The following ENPP3 variants were observed in gnomAD, a reference collection of about 807,000 sequenced individuals.
ENPP3 encodes ectonucleotide pyrophosphatase/phosphodiesterase family member 3.
In ENPP3, 104 loss-of-function variants were observed where a neutral mutation model predicts 117.8. The ratio of observed to expected loss-of-function variants is 0.88; its 90% CI spans 0.75 to 1.04. The LOEUF (loss-of-function observed/expected upper bound fraction) is 1.04. Among genes scored for constraint, ENPP3 ranks in the 50% least tolerant of loss-of-function variants. The probability of loss-of-function intolerance (pLI) is 0.00; values close to 1 mark genes in which losing one functional copy is unlikely to be tolerated. For synonymous variants in ENPP3, 380 were observed against 349.9 expected (o/e 1.09, Z -0.96); for missense variants, 1,026 against 1,051.9 (o/e 0.98, Z 0.34).
intron 18 of ENPP3, among the ~76,000 whole-genome samples, chr6:131,723,641 C>T (rs945493896): frequency 6.6e-6 from 1 of 152,028 alleles, no homozygotes; most frequent in African/African-American, 2.4e-5. Flanking sequence ...TCAAGCCCTA[C>T]CCTAGGTTTA....
Position 131,641,501 on chromosome 6 carries a change from G to C in ENPP3, c.125G>C (p.Gly42Ala), listed in dbSNP as rs1187858384. Residue 42 changes from glycine to alanine, a missense_variant, in exon 2 of 25, where the codon GGG (glycine) becomes GCG (alanine). Gly to Ala is a moderately conservative substitution (Grantham distance 60). Coordinates refer to ENST00000357639, the MANE Select transcript of ENPP3 (RefSeq NM_005021.5). ...ATCATGTCACTTGGATTAGGCCTGG[G>C]GCTTGGACTCAGGAAACTGGAAAAG... Reference protein sequence around the residue: ...LVIMSLGLGLGLGLRKLEKQG... With the variant: ...LVIMSLGLGLALGLRKLEKQG... 6.2e-7 allele frequency: 1 copy of C among 1,611,202 alleles called. No individual in the cohort carries two copies. The highest frequency in any genetic ancestry group is 1.1e-5 in the South Asian group (1 of 90,846).
chr6:131,644,779 C>T (rs943173933), intron 2 of ENPP3, among the ~76,000 whole-genome samples: 4 of 152,126 alleles, frequency 2.6e-5, no homozygotes, highest in Admixed American at 1.3e-4. Context: ...GGATTTAAAC[C>T]ATGAGACTGG....
chr6:131,746,980 T>C lies in ENPP3; in HGVS notation c.*24T>C, dbSNP rs1314721239. On this transcript the variant is annotated 3_prime_UTR_variant, in exon 25 of 25. Coordinates refer to ENST00000357639, the MANE Select transcript of ENPP3 (RefSeq NM_005021.5). ...AACTTAATAATGTCTACTTAATATATAATTTACTGTATAAAGTAATTTTGG... is the reference window on the plus strand; with the variant it reads ...AACTTAATAATGTCTACTTAATATACAATTTACTGTATAAAGTAATTTTGG... 12 of 1,335,872 alleles carry C rather than the reference T, an allele frequency of 9.0e-6. No individual in the cohort carries two copies. The highest frequency in any genetic ancestry group is 1.2e-5 in the Non-Finnish European group (12 of 972,808). 82.8% of individuals were successfully genotyped at this position (1,335,872 alleles called of 1,614,324 possible).
rs1780333488 is a variant in ENPP3, at chr6:131,733,640, T to G, written c.2006T>G (p.Val669Gly). Residue 669 changes from valine (V) to glycine (G), a missense_variant, in exon 21 of 25, where the codon GTC becomes GGC. Val to Gly is a moderately radical substitution (Grantham distance 109). Coordinates refer to ENST00000357639, the MANE Select transcript of ENPP3 (RefSeq NM_005021.5). ...GTCCCAGACTGTCTGCGGGCTGATG[T>G]CAGGGTTCCTCCTTCTGAGAGCCAA... ...PTVPDCLRAD[V>G]RVPPSESQKC... 1 of 1,614,050 alleles carries G rather than the reference T, an allele frequency of 6.2e-7. No individual in the cohort carries two copies.
intron 6 of ENPP3, among the ~76,000 whole-genome samples, chr6:131,662,249 C>CT (rs926584736): frequency 5.8e-4 from 85 of 146,900 alleles, no homozygotes; most frequent in South Asian, 1.1e-3. Context: ...GATCTCTATT[C>CT]TTTTTTTTTT....
In ENPP3 at chr6:131,693,637, G is replaced by A; in HGVS notation, c.1412+13G>A. 6.2e-7 allele frequency: 1 copy of A among 1,611,112 alleles called. No individual in the cohort carries two copies. The highest frequency in any genetic ancestry group is 8.5e-7 in the Non-Finnish European group (1 of 1,178,596). ...GGCTGGCTGTTAGGTTCGTGTATCT[G>A]TTTACTTATCTCATAATGCCTTTAA... On this transcript the variant is annotated intron_variant, in intron 15 of 24. Coordinates refer to ENST00000357639, the MANE Select transcript of ENPP3 (RefSeq NM_005021.5).
At chr6:131,670,482 ATTAT>A (rs137908283) in intron 6 of ENPP3, among the ~76,000 whole-genome samples, 12,672 of 151,726 alleles carry the variant, frequency 0.084, 1,224 homozygotes, top group African/African-American at 0.24. Flanking sequence ...TATTTTAAAA[ATTAT>A]TTATTTATTT....
rs151211578 is a variant in ENPP3 at position 131,746,933 on chromosome 6, C to A, written c.2605C>A (p.Pro869Thr). 56 of 1,604,752 alleles carry A rather than the reference C, an allele frequency of 3.5e-5. No homozygotes were observed. The highest frequency in any genetic ancestry group is 4.6e-5 in the Non-Finnish European group (54 of 1,173,842). ...SEILQLKTYL[P>T]TFETTI is the part of the protein sequence containing the mutation. The stretch of plus-strand genomic sequence containing the variant: ...AATTTTGCAACTAAAGACATATTTA[C>A]CAACATTTGAAACCACTATTTAACT... Residue 869 changes from proline to threonine, a missense_variant, in exon 25 of 25, where the codon CCA becomes ACA. Transcript: ENST00000357639.
At chr6:131,673,693 A>C (rs2114382070) in intron 7 of ENPP3, among the ~76,000 whole-genome samples, 1 of 147,258 alleles carries the variant, frequency 6.8e-6, no homozygotes, top group South Asian at 2.1e-4. Context: ...GAAAGAGAGA[A>C]AGAAAAGACA....
rs767600382 is a variant in ENPP3, at chr6:131,733,736, CTT to C, written c.2089+18_2089+19del. ...CTCTATCCTCCTGGTTAGTAGAACT[CTT>C]TTTTAGAGCAGTAGCTTAGAAAGCT... On this transcript the variant is annotated intron_variant, in intron 21 of 24. Transcript: ENST00000357639. 1.4e-5 allele frequency: 23 copies of C among 1,612,718 alleles called. No homozygotes were observed. Among genetic ancestry groups the C allele is most frequent in the Admixed American group, 5.0e-5 (3 of 59,966 alleles).
intron 23 of ENPP3, among the ~76,000 whole-genome samples, chr6:131,739,593 C>CTTTTTTTTTTTTTTTTTTTTTTTTTT (rs71270397): frequency 2.3e-5 from 2 of 87,466 alleles, no homozygotes; most frequent in Non-Finnish European, 4.4e-5. Context: ...TCATGCTCTG[C>CTTTTTTTTTTTTTTTTTTTTTTTTTT]TTTTTTTTTT....
At chr6:131,726,670 G>A (rs1485779840) in intron 20 of ENPP3, among the ~76,000 whole-genome samples, 2 of 151,918 alleles carry the variant, frequency 1.3e-5, no homozygotes, top group African/African-American at 4.8e-5. Flanking sequence ...GTTCTTCTCT[G>A]AAGGATCTGG....
intron 2 of ENPP3, among the ~76,000 whole-genome samples, chr6:131,644,094 T>A (rs2114292910): frequency 6.6e-6 from 1 of 152,252 alleles, no homozygotes; most frequent in Middle Eastern, 3.4e-3. Flanking sequence ...TTGCCTGGCA[T>A]GTTCCATTTA....
At chr6:131,649,902 A>C in intron 2 of ENPP3, 125 bp from the exon 3 acceptor site, 1 of 987,716 alleles carries the variant, frequency 1.0e-6, no homozygotes. Context: ...ATCCTGCAGC[A>C]CCATAAAAAT....
intron 15 of ENPP3, 68 bp from the exon 16 acceptor site, chr6:131,718,604 G>T: frequency 1.4e-6 from 1 of 714,522 alleles, no homozygotes; most frequent in Non-Finnish European, 2.2e-6. Context: ...TATAAAATTA[G>T]TTAAATCTTA....
chr6:131,667,769 A>G (rs932698188), intron 6 of ENPP3, among the ~76,000 whole-genome samples: 2 of 152,162 alleles, frequency 1.3e-5, no homozygotes, highest in Admixed American at 6.5e-5. Context: ...GTTTCTCACA[A>G]AGGGAATTGA....
At position 131,669,747 on chromosome 6, in the gene ENPP3, A is replaced by G. The variant is rs546289122; in HGVS notation, c.563-1501A>G. Among the ~76,000 whole-genome samples, 77 of 151,646 alleles carry G rather than the reference A, an allele frequency of 5.1e-4. No homozygotes were observed. The South Asian group carries it at 0.016, about 31-fold the overall frequency. ...CTTCTCCTACCTTCCAATCCCCATC[A>G]GAGAATCCTATGTAGTGGACTTGAT... On this transcript the variant is annotated intron_variant, in intron 6 of 24. Transcript: ENST00000357639.
At chr6:131,638,327 C>T in intron 1 of ENPP3, 1 of 227,274 alleles carries the variant, frequency 4.4e-6, no homozygotes, top group Non-Finnish European at 9.0e-6. Context: ...CATTCTTAGC[C>T]AACAATTTAT....
At chr6:131,663,834 A>G (rs930892876) in intron 6 of ENPP3, among the ~76,000 whole-genome samples, 2 of 152,166 alleles carry the variant, frequency 1.3e-5, no homozygotes. Flanking sequence ...ACACATATTT[A>G]TGTACATTAC....
Sources: gnomAD v4.1 joint callset for allele counts (sites outside exome capture counted in the v4.1 genomes callset) on GRCh38, gnomAD v4.1.1 for gene constraint, MANE v1.5 for transcripts, NCBI Gene and HGNC (gene_info 2026-07-23, HGNC 2026-07-21) for gene names.